Variants in PRKN observed in about 807,000 individuals in gnomAD.
PRKN encodes E3 ubiquitin-protein ligase parkin.
In PRKN, 56 loss-of-function variants were observed where a neutral mutation model predicts 59.5. The observed-to-expected ratio is 0.94, with a 90% confidence interval of 0.76 to 1.18. PRKN has a LOEUF of 1.18. Ranked by LOEUF, PRKN falls within the 50% of genes most tolerant of loss-of-function variation. The probability of loss-of-function intolerance (pLI) is 0.00; values close to 1 mark genes in which losing one functional copy is unlikely to be tolerated. For missense variants in PRKN, 657 were observed against 596.4 expected, an observed-to-expected ratio of 1.10 and a Z score of -1.06; for synonymous variants, 250 against 222.1, an observed-to-expected ratio of 1.13 and a Z score of -1.12.
intron 6 of PRKN, among the ~76,000 whole-genome samples, chr6:161,790,613 G>A (rs1790600621): frequency 6.6e-6 from 1 of 152,172 alleles, no homozygotes; most frequent in Non-Finnish European, 1.5e-5. Flanking sequence ...TCCACCATAT[G>A]AGGACACAGT....
intron 7 of PRKN, among the ~76,000 whole-genome samples, chr6:161,680,763 A>ATTTTTT (rs1785313984): frequency 3.0e-4 from 3 of 10,162 alleles, no homozygotes; most frequent in African/African-American, 6.7e-4. Flanking sequence ...ATATATATAT[A>ATTTTTT]TATATATATA....
At chr6:162,722,735 T>C (rs867557578) in intron 1 of PRKN, among the ~76,000 whole-genome samples, 1 of 152,180 alleles carries the variant, frequency 6.6e-6, no homozygotes, top group Non-Finnish European at 1.5e-5. Flanking sequence ...GATTTACATA[T>C]CTTAATACAA....
At position 161,548,387 on chromosome 6, in the gene PRKN, T is replaced by C. The variant is rs1465621894; in HGVS notation, c.1083+467A>G. Among the ~76,000 whole-genome samples the C allele has an allele frequency of 6.6e-6, 1 of 152,230 alleles. No homozygotes were observed. The highest frequency in any genetic ancestry group is 2.4e-5 in the African/African-American group (1 of 41,464). On this transcript the variant is annotated intron_variant, in intron 9 of 11. Coordinates refer to ENST00000366898, the MANE Select transcript of PRKN (RefSeq NM_004562.3). This position sits in a 1 kb window ranked among gnomAD's most constrained non-coding sequence, Gnocchi z 4.2. ...TCATCTCTACTTAAAATGATTTTTATGACATAATAACATTTCAAGTTTTCC... is the reference window on the plus strand; with the variant it reads ...TCATCTCTACTTAAAATGATTTTTACGACATAATAACATTTCAAGTTTTCC...
chr6:161,732,485 T>G (rs985061), intron 7 of PRKN, among the ~76,000 whole-genome samples: 116,673 of 146,712 alleles, frequency 0.8, 47,626 homozygotes, highest in East Asian at 0.97. Context: ...TTTTTTTTTT[T>G]TGTGTGTGTG....
chr6:162,017,185 A>AT (rs1185759135), intron 5 of PRKN, among the ~76,000 whole-genome samples: 2 of 152,216 alleles, frequency 1.3e-5, no homozygotes, highest in African/African-American at 4.8e-5. Context: ...ATAGGGAGAT[A>AT]TATCTTATGG....
chr6:161,872,116 GA>G (rs1794364140), intron 6 of PRKN, among the ~76,000 whole-genome samples: 1 of 152,114 alleles, frequency 6.6e-6, no homozygotes, highest in Admixed American at 6.6e-5. Context: ...GTGGGAGAGA[GA>G]ATAAATAGAC....
chr6:161,656,236 C>CG (rs1013817634), intron 7 of PRKN, among the ~76,000 whole-genome samples: 4 of 152,208 alleles, frequency 2.6e-5, no homozygotes, highest in African/African-American at 9.6e-5. Context: ...AGTCAGCGCT[C>CG]GGGCCCCTGC....
intron 1 of PRKN, among the ~76,000 whole-genome samples, chr6:162,614,733 G>C (rs1198092074): frequency 1.3e-5 from 2 of 152,104 alleles, no homozygotes; most frequent in Non-Finnish European, 2.9e-5. Context: ...CTATTTTCCA[G>C]ATTTGTGAAC....
intron 6 of PRKN, among the ~76,000 whole-genome samples, chr6:161,898,007 G>A (rs1777723017): frequency 1.4e-5 from 2 of 144,858 alleles, no homozygotes; most frequent in Admixed American, 1.4e-4. Context: ...CATAGAAAAG[G>A]TTTTTCTCAT....
intron 3 of PRKN, among the ~76,000 whole-genome samples, chr6:162,259,727 G>T (rs1263281399): frequency 6.6e-6 from 1 of 151,672 alleles, no homozygotes; most frequent in Non-Finnish European, 1.5e-5. Flanking sequence ...TAAATGCACA[G>T]GAGTTCTGTT....
At chr6:161,472,975 C>T (rs1790866429) in intron 9 of PRKN, among the ~76,000 whole-genome samples, 2 of 151,952 alleles carry the variant, frequency 1.3e-5, no homozygotes, top group Non-Finnish European at 2.9e-5. Context: ...GTTAGGATGG[C>T]CATTATCAAA....
chr6:162,320,387 AAGCATTTTAAGATC>A (rs1782955992), intron 2 of PRKN, among the ~76,000 whole-genome samples: 1 of 128,678 alleles, frequency 7.8e-6, no homozygotes, highest in African/African-American at 2.7e-5. Context: ...AAAAAAAACC[AAGCATTTTAAGATC>A]AAACAAGCAA....
chr6:161,734,926 C>G (rs540454649), intron 7 of PRKN, among the ~76,000 whole-genome samples: 2 of 151,966 alleles, frequency 1.3e-5, no homozygotes, highest in South Asian at 2.1e-4. Context: ...CTAATAATTT[C>G]CTTTTAATTA....
At chr6:162,249,725 C>T (rs1197830293) in intron 3 of PRKN, among the ~76,000 whole-genome samples, 1 of 152,056 alleles carries the variant, frequency 6.6e-6, no homozygotes, top group African/African-American at 2.4e-5. Flanking sequence ...ATTTGTAAAG[C>T]AAACTCAAGC....
chr6:162,282,773 C>T (rs1780970102), intron 2 of PRKN, among the ~76,000 whole-genome samples: 2 of 152,114 alleles, frequency 1.3e-5, no homozygotes, highest in Non-Finnish European at 2.9e-5. Flanking sequence ...TTGTATATCA[C>T]TCTGTATATG....
intron 10 of PRKN, among the ~76,000 whole-genome samples, chr6:161,383,178 A>C (rs1786070053): frequency 6.6e-6 from 1 of 152,178 alleles, no homozygotes. Context: ...CCTCCTGGAG[A>C]CCATGCTGCT....
At chr6:162,409,183 T>G (rs1341180823) in intron 2 of PRKN, among the ~76,000 whole-genome samples, 1 of 151,636 alleles carries the variant, frequency 6.6e-6, no homozygotes, top group Non-Finnish European at 1.5e-5. Context: ...TTTTTTTTTA[T>G]AGACAGTGTC....
chr6:161,491,019 A>C (rs1160531753), intron 9 of PRKN, among the ~76,000 whole-genome samples: 6 of 152,058 alleles, frequency 3.9e-5, no homozygotes, highest in Non-Finnish European at 8.8e-5. Flanking sequence ...CATGCTTCCT[A>C]TCCAGCCTGT....
intron 4 of PRKN, among the ~76,000 whole-genome samples, chr6:162,087,211 T>C (rs893720563): frequency 2.6e-5 from 4 of 152,206 alleles, no homozygotes; most frequent in African/African-American, 9.7e-5. Context: ...CACCTATGGG[T>C]AGACTCTCTC....
Sources: gnomAD v4.1 joint callset for allele counts (sites outside exome capture counted in the v4.1 genomes callset) on GRCh38, gnomAD v4.1.1 for gene constraint, Gnocchi (gnomAD v3.1) non-coding constraint, MANE v1.5 for transcripts, NCBI Gene and HGNC (gene_info 2026-07-23, HGNC 2026-07-21) for gene names.